FSTL4: variants seen among roughly 807,000 people sequenced by gnomAD.
FSTL4 encodes follistatin like 4, also known as follistatin-related protein 4.
A neutral mutation model predicts 78.2 loss-of-function variants in FSTL4; 28 were observed. The observed-to-expected ratio is 0.36, with a 90% CI of 0.27 to 0.49. The LOEUF (loss-of-function observed/expected upper bound fraction) is 0.49. FSTL4 is among the 20% of genes least tolerant of loss of function. The pLI is 0.98. For synonymous variants in FSTL4, 422 were observed against 440.5 expected, an observed-to-expected ratio of 0.96 and a Z score of 0.53; for missense variants, 922 against 1,084.9, an observed-to-expected ratio of 0.85 and a Z score of 2.11.
At chr5:133,317,277 C>G (rs1346389774) in intron 4 of FSTL4, among the ~76,000 whole-genome samples, 3 of 152,240 alleles carry the variant, frequency 2.0e-5, no homozygotes, top group Non-Finnish European at 4.4e-5. Flanking sequence ...TGAACAGCAT[C>G]AGAACCATGC....
At chr5:133,788,825 A>G in the FSTL4 span, among the ~76,000 whole-genome samples, 1 of 152,230 alleles carries the variant, frequency 6.6e-6, no homozygotes, top group East Asian at 1.9e-4. Context: ...TTCCTCACAC[A>G]GAAGCTACCT....
At chr5:133,811,111 G>A in the FSTL4 span, among the ~76,000 whole-genome samples, 6 of 152,210 alleles carry the variant, frequency 3.9e-5, no homozygotes, top group East Asian at 5.8e-4. Flanking sequence ...GCAGGCAGTC[G>A]TGGGCCTGTC....
rs138995409 is a variant in FSTL4, at chr5:133,199,311, C to T, written c.2313G>A (p.Val771=). Residue 771 remains valine, a synonymous_variant, in exon 16 of 16, where the codon GTG becomes GTA. Transcript: ENST00000265342. This position sits in a 1 kb window ranked among gnomAD's most constrained non-coding sequence, Gnocchi z 4.4. ...LLFLELSTGK[V]GMLKNLKEPP... ...GCTCCTTTAAGTTCTTCAGCATGCC[C>T]ACCTTCCCCGTGGACAGCTCCAGGA... 36 of 1,613,984 alleles carry T rather than the reference C, an allele frequency of 2.2e-5. No individual in the cohort carries two copies. Among genetic ancestry groups the T allele is most frequent in the Admixed American group, 6.7e-5 (4 of 60,014 alleles).
In FSTL4 at chr5:133,210,234, AC is replaced by A. The variant is rs1750661845; in HGVS notation, c.1672del (p.Val558SerfsTer2). ...CTTGTGCACGTCCCCCCAGCTCAGGACCCACACTTGGTCATGTGACTTGTCA... is the reference window on the plus strand; with the variant it reads ...CTTGTGCACGTCCCCCCAGCTCAGGACCACACTTGGTCATGTGACTTGTCA... The part of the protein sequence containing the change: ...SYDKSHDQVW[V>X]LSWGDVHKSR... On this transcript the variant is annotated frameshift_variant, in exon 14 of 16. Transcript: ENST00000265342. LOFTEE classifies it high-confidence loss of function. The A allele has an allele frequency of 6.2e-7, 1 of 1,612,984 alleles. No individual in the cohort carries two copies. The highest frequency in any genetic ancestry group is 8.5e-7 in the Non-Finnish European group (1 of 1,179,130).
intron 6 of FSTL4, among the ~76,000 whole-genome samples, chr5:133,269,595 T>A (rs550028107): frequency 2.4e-4 from 37 of 152,358 alleles, no homozygotes; most frequent in African/African-American, 8.4e-4. Context: ...TAGGAACTCA[T>A]GCTCACTTGG....
At chr5:133,658,775 C>T in the FSTL4 span, among the ~76,000 whole-genome samples, 1 of 152,078 alleles carries the variant, frequency 6.6e-6, no homozygotes, top group Non-Finnish European at 1.5e-5. Flanking sequence ...CATAAATTTA[C>T]CTGAGTGCTG....
At chr5:133,806,005 C>T in the FSTL4 span, among the ~76,000 whole-genome samples, 13 of 152,176 alleles carry the variant, frequency 8.5e-5, no homozygotes, top group Non-Finnish European at 1.3e-4. Flanking sequence ...TATGGGATAC[C>T]GCCTAATGAA....
intron 6 of FSTL4, among the ~76,000 whole-genome samples, chr5:133,256,766 A>G (rs184032754): frequency 6.6e-6 from 1 of 152,234 alleles, no homozygotes; most frequent in Non-Finnish European, 1.5e-5. Context: ...GAGCACTTGC[A>G]TCTGTCCCAA....
At chr5:133,297,036 C>A (rs1354670881) in intron 6 of FSTL4, among the ~76,000 whole-genome samples, 1 of 152,106 alleles carries the variant, frequency 6.6e-6, no homozygotes. Context: ...TTGATGGTAT[C>A]AGGAAGTCTT....
the FSTL4 span, among the ~76,000 whole-genome samples, chr5:133,833,560 T>C: frequency 3.3e-5 from 5 of 152,212 alleles, no homozygotes; most frequent in African/African-American, 1.2e-4. Flanking sequence ...ATCCTGGGCT[T>C]TCTCCTCATC....
chr5:133,594,907 G>A (rs1283630212), intron 2 of FSTL4, among the ~76,000 whole-genome samples: 1 of 152,214 alleles, frequency 6.6e-6, no homozygotes, highest in Non-Finnish European at 1.5e-5. Flanking sequence ...GCCATCAGGA[G>A]TCTTATACCT....
chr5:133,735,291 C>T, the FSTL4 span, among the ~76,000 whole-genome samples: 34,533 of 151,974 alleles, frequency 0.23, 5,446 homozygotes, highest in African/African-American at 0.45. Context: ...GGAGAAACCC[C>T]GTCTCTAGTA....
intron 8 of FSTL4, among the ~76,000 whole-genome samples, chr5:133,232,763 T>A (rs1303328810): frequency 6.6e-6 from 1 of 152,104 alleles, no homozygotes; most frequent in Admixed American, 6.5e-5. Context: ...GGAAGGTCCA[T>A]GTGAAGGGCT....
the FSTL4 span, among the ~76,000 whole-genome samples, chr5:133,837,965 G>T: frequency 6.6e-6 from 1 of 152,042 alleles, no homozygotes; most frequent in Admixed American, 6.6e-5. Context: ...TCGGCTCACT[G>T]CAGCCTCTGT....
In FSTL4 at chr5:133,257,518, T is replaced by A. The variant is rs184107731; in HGVS notation, c.728-7942A>T. Among the ~76,000 whole-genome samples the A allele has an allele frequency of 5.5e-4, 83 of 152,282 alleles. No homozygotes were observed. The East Asian group carries it at 0.011, about 20-fold the overall frequency. Reference sequence around the variant, plus strand: ...TCCTCTGGCCAATACACCTTTTTAGTTTTGAGAAAACTAAACCTCAATGTG... The same window carrying A: ...TCCTCTGGCCAATACACCTTTTTAGATTTGAGAAAACTAAACCTCAATGTG... On this transcript the variant is annotated intron_variant, in intron 6 of 15. Transcript: ENST00000265342.
At chr5:133,752,371 G>A in the FSTL4 span, among the ~76,000 whole-genome samples, 1 of 152,134 alleles carries the variant, frequency 6.6e-6, no homozygotes, top group East Asian at 1.9e-4. Context: ...GGTTTTCCCA[G>A]TAACTGCCTG....
At chr5:133,533,740 C>G (rs996388536) in intron 3 of FSTL4, among the ~76,000 whole-genome samples, 1 of 152,164 alleles carries the variant, frequency 6.6e-6, no homozygotes, top group Non-Finnish European at 1.5e-5. Flanking sequence ...AATGAGTCAC[C>G]CTGAGTGCCC....
In FSTL4 at chr5:133,225,362, G is replaced by T; in HGVS notation, c.1178-78C>A. ...TTTCCTTTATGGGGCCATTGAGAGT[G>T]TTAGGGCTGCCCAGCCCCTGGGCAG... On this transcript the variant is annotated intron_variant, in intron 9 of 15. Transcript: ENST00000265342. This position sits in a 1 kb window ranked among gnomAD's most constrained non-coding sequence, Gnocchi z 4.6. The T allele has an allele frequency of 6.4e-7, 1 of 1,566,122 alleles. No homozygotes were observed. Among genetic ancestry groups the T allele is most frequent in the Non-Finnish European group, 8.8e-7 (1 of 1,140,946 alleles).
the FSTL4 span, among the ~76,000 whole-genome samples, chr5:133,672,586 GGA>G: frequency 2.0e-5 from 3 of 152,198 alleles, no homozygotes; most frequent in African/African-American, 7.2e-5. Context: ...AGTAAAAGAA[GGA>G]GAGAGAGAAA....
Sources: gnomAD v4.1 joint callset for allele counts (sites outside exome capture counted in the v4.1 genomes callset) on GRCh38, gnomAD v4.1.1 for gene constraint, Gnocchi (gnomAD v3.1) non-coding constraint, MANE v1.5 for transcripts, NCBI Gene and HGNC (gene_info 2026-07-23, HGNC 2026-07-21) for gene names.